Variants in ROS1 observed in about 807,000 individuals in gnomAD.
ROS1 encodes the protein ROS proto-oncogene 1, receptor tyrosine kinase, also known as proto-oncogene tyrosine-protein kinase ROS.
A neutral mutation model predicts 273.5 loss-of-function variants in ROS1; 263 were observed. That is an observed-to-expected ratio of 0.96 (90% CI 0.87 to 1.06). ROS1 has a LOEUF of 1.06. Among genes scored for constraint, ROS1 ranks in the 50% least tolerant of loss-of-function variants. The pLI, the probability that ROS1 is intolerant of heterozygous loss-of-function variation, is 0.00. For synonymous variants in ROS1, 1,008 were observed against 954.1 expected, an observed-to-expected ratio of 1.06 and a Z score of -1.04; for missense variants, 2,833 against 2,751.1, an observed-to-expected ratio of 1.03 and a Z score of -0.67.
At chr6:117,388,930 C>T (rs1280711023) in intron 13 of ROS1, among the ~76,000 whole-genome samples, 7 of 152,130 alleles carry the variant, frequency 4.6e-5, no homozygotes, top group Non-Finnish European at 8.8e-5. Flanking sequence ...GACTCCAGAG[C>T]CCACCTGCTT....
intron 42 of ROS1, among the ~76,000 whole-genome samples, chr6:117,305,822 T>C (rs778202552): frequency 6.6e-6 from 1 of 152,182 alleles, no homozygotes; most frequent in Non-Finnish European, 1.5e-5. Flanking sequence ...TATCATGCAG[T>C]GTATACTCGC....
chr6:117,337,299 G>T lies in ROS1; in HGVS notation c.5103C>A (p.Ser1701Arg), dbSNP rs1777554857. The change falls in exon 32 of 44, where the codon AGC becomes AGA. Residue 1701 changes from serine (S) to arginine (R), a missense_variant. Ser to Arg is a moderately radical substitution (Grantham distance 110). Transcript: ENST00000368507. ...TATTACAGACATAAGCAGGACCTTG[G>T]CTGCATGAAGTTTTAACATGGTAAA... ...NEFYHVKTSCSQGPAYVCNIT... is the reference protein window; with the variant it reads ...NEFYHVKTSCRQGPAYVCNIT... The T allele has an allele frequency of 6.2e-7, 1 of 1,611,532 alleles. No homozygotes were observed. The highest frequency in any genetic ancestry group is 8.5e-7 in the Non-Finnish European group (1 of 1,178,708).
intron 42 of ROS1, among the ~76,000 whole-genome samples, chr6:117,302,641 A>G (rs1354163842): frequency 6.6e-6 from 1 of 152,214 alleles, no homozygotes; most frequent in Non-Finnish European, 1.5e-5. Flanking sequence ...TTTCTGCTGT[A>G]GGCCCACAGG....
chr6:117,416,620 A>G (rs772092358), intron 2 of ROS1, among the ~76,000 whole-genome samples: 2 of 152,124 alleles, frequency 1.3e-5, no homozygotes, highest in African/African-American at 4.8e-5. Context: ...GACACCGTAC[A>G]CTGGGTAGTT....
intron 43 of ROS1, among the ~76,000 whole-genome samples, chr6:117,300,223 T>C (rs1774608490): frequency 6.6e-6 from 1 of 150,888 alleles, no homozygotes; most frequent in Non-Finnish European, 1.5e-5. Context: ...ACTGCTGGGA[T>C]TACAGGCGTG....
chr6:117,382,643 G>A (rs1262078084), intron 17 of ROS1, among the ~76,000 whole-genome samples: 1 of 152,080 alleles, frequency 6.6e-6, no homozygotes, highest in Non-Finnish European at 1.5e-5. Flanking sequence ...AACAAAAATA[G>A]TTATTGCTTG....
intron 23 of ROS1, among the ~76,000 whole-genome samples, 153 bp from the exon 24 acceptor site, chr6:117,360,164 C>G (rs542262835): frequency 6.6e-6 from 1 of 151,988 alleles, no homozygotes; most frequent in Non-Finnish European, 1.5e-5. Flanking sequence ...AGGCTCTCTA[C>G]CCCTAGGTTT....
intron 42 of ROS1, among the ~76,000 whole-genome samples, chr6:117,306,542 A>G (rs1775117226): frequency 6.6e-6 from 1 of 152,180 alleles, no homozygotes; most frequent in African/African-American, 2.4e-5. Context: ...TATGGAGAGA[A>G]GGGCAGGAAT....
chr6:117,333,786 C>G (rs1777267646), intron 32 of ROS1, among the ~76,000 whole-genome samples: 1 of 152,062 alleles, frequency 6.6e-6, no homozygotes, highest in South Asian at 2.1e-4. Context: ...TAAAATTCAA[C>G]ATCAACATCC....
At chr6:117,353,511 C>T (rs947129737) in intron 26 of ROS1, among the ~76,000 whole-genome samples, 1 of 152,144 alleles carries the variant, frequency 6.6e-6, no homozygotes, top group African/African-American at 2.4e-5. Context: ...ATAATGCCAA[C>T]CTGAGGGAAA....
Position 117,310,260 on chromosome 6 carries a change from G to A in ROS1, c.6237C>T (p.Cys2079=), listed in dbSNP as rs1775437272. 5 of 1,608,300 alleles carry A rather than the reference G, an allele frequency of 3.1e-6. No individual in the cohort carries two copies. Among genetic ancestry groups the A allele is most frequent in the Non-Finnish European group, 3.4e-6 (4 of 1,176,964 alleles). ...FIHRDLAARN[C]LVSVKDYTSP... ...TGGTATAGTCTTTCACGGAAACAAG[G>A]CAATTTCTAGCTGCCAGATCCCTGT... Residue 2079 remains cysteine (C), a synonymous_variant, in exon 41 of 44, where the codon TGC becomes TGT. Transcript: ENST00000368507.
At chr6:117,387,656 A>G (rs1229660063) in intron 14 of ROS1, 124 bp downstream of exon 14, 1 of 918,426 alleles carries the variant, frequency 1.1e-6, no homozygotes. Context: ...ACTCAAACAC[A>G]TACTCAAGAG....
chr6:117,323,242 G>GA (rs1195084233), intron 35 of ROS1, among the ~76,000 whole-genome samples: 1 of 151,958 alleles, frequency 6.6e-6, no homozygotes, highest in East Asian at 1.9e-4. Context: ...TGGAATCTTT[G>GA]AAAAAAATCT....
At chr6:117,352,835 G>A (rs1778984069) in intron 27 of ROS1, among the ~76,000 whole-genome samples, 155 bp downstream of exon 27, 1 of 152,194 alleles carries the variant, frequency 6.6e-6, no homozygotes. Flanking sequence ...AGGGCAAACA[G>A]CAATCACAGT....
Position 117,359,964 on chromosome 6 carries a change from C to T in ROS1, c.3478G>A (p.Val1160Ile). 1 of 1,613,856 alleles carries T rather than the reference C, an allele frequency of 6.2e-7. No individual in the cohort carries two copies. Reference sequence around the variant, plus strand: ...TGATTTTGATCCATATCTAAAAAAACTATCTTGTTACCAAGAAGAGTTATG... The same window carrying T: ...TGATTTTGATCCATATCTAAAAAAATTATCTTGTTACCAAGAAGAGTTATG... Reference protein sequence around the residue: ...HLITLLGNKIVFLDMDQNQVV... With the variant: ...HLITLLGNKIIFLDMDQNQVV... The change falls in exon 24 of 44, where the codon GTT becomes ATT. Residue 1160 changes from valine to isoleucine, a missense_variant. Val to Ile is a conservative substitution (Grantham distance 29). Coordinates refer to ENST00000368507, the MANE Select transcript of ROS1 (RefSeq NM_001378902.1).
At chr6:117,383,711 G>A (rs1772343709) in intron 16 of ROS1, among the ~76,000 whole-genome samples, 1 of 152,032 alleles carries the variant, frequency 6.6e-6, no homozygotes, top group East Asian at 1.9e-4. Flanking sequence ...GCCCTCATGG[G>A]GCTTATCTGT....
At chr6:117,299,263 A>T (rs980563461) in intron 43 of ROS1, 1 of 152,202 alleles carries the variant, frequency 6.6e-6, no homozygotes, top group African/African-American at 2.4e-5. Flanking sequence ...ATCCAAAGTC[A>T]CCCAAAATAT....
chr6:117,401,232 C>G (rs1201722052), intron 7 of ROS1, among the ~76,000 whole-genome samples: 1 of 152,190 alleles, frequency 6.6e-6, no homozygotes, highest in Non-Finnish European at 1.5e-5. Flanking sequence ...CCTAACAGCT[C>G]CCCAGCTTCC....
chr6:117,416,444 A>G, intron 2 of ROS1, 127 bp from the exon 3 acceptor site: 3 of 662,436 alleles, frequency 4.5e-6, no homozygotes, highest in Non-Finnish European at 8.1e-6. Flanking sequence ...CTACCAAGAA[A>G]CCTGAGGCCT....
Sources: gnomAD v4.1 joint callset for allele counts (sites outside exome capture counted in the v4.1 genomes callset) on GRCh38, gnomAD v4.1.1 for gene constraint, MANE v1.5 for transcripts, NCBI Gene and HGNC (gene_info 2026-07-23, HGNC 2026-07-21) for gene names.